DOCK1: variants seen among roughly 807,000 people sequenced by gnomAD.
The protein encoded by DOCK1 is dedicator of cytokinesis 1.
In DOCK1, 138 loss-of-function variants were observed where a neutral mutation model predicts 262.7. The ratio of observed to expected loss-of-function variants is 0.53; its 90% CI spans 0.46 to 0.61. The LOEUF (loss-of-function observed/expected upper bound fraction) is 0.61, where lower values mean the gene tolerates loss of function less well. Among genes scored for constraint, DOCK1 ranks in the 20% least tolerant of loss-of-function variants. The pLI is 0.00. For synonymous variants in DOCK1, 866 were observed against 867.4 expected (o/e 1.00, Z 0.03); for missense variants, 1,908 against 2,370.7 (o/e 0.80, Z 4.05).
At chr10:127,324,631 T>C (rs2062681095) in intron 29 of DOCK1, among the ~76,000 whole-genome samples, 3 of 152,142 alleles carry the variant, frequency 2.0e-5, no homozygotes, top group Admixed American at 2.0e-4. Context: ...TTTTAAAAGA[T>C]ACTGTGAGTT....
chr10:127,370,199 T>C (rs951084591), intron 33 of DOCK1, among the ~76,000 whole-genome samples: 1 of 152,198 alleles, frequency 6.6e-6, no homozygotes, highest in Non-Finnish European at 1.5e-5. Flanking sequence ...ATTTCTTCTT[T>C]AAATACAGGA....
chr10:127,354,041 C>A (rs1168128096), intron 31 of DOCK1, among the ~76,000 whole-genome samples: 1 of 152,032 alleles, frequency 6.6e-6, no homozygotes, highest in African/African-American at 2.4e-5. Flanking sequence ...AGTTAAATTG[C>A]TCACAAACTA....
intron 40 of DOCK1, among the ~76,000 whole-genome samples, chr10:127,406,051 G>A (rs906220024): frequency 6.6e-6 from 1 of 152,150 alleles, no homozygotes; most frequent in African/African-American, 2.4e-5. Flanking sequence ...GCTTTAATTC[G>A]AGTGTGTGTG....
At chr10:127,249,279 C>T (rs1044124897) in intron 28 of DOCK1, among the ~76,000 whole-genome samples, 7 of 151,246 alleles carry the variant, frequency 4.6e-5, no homozygotes, top group African/African-American at 1.7e-4. Context: ...GCATAGTTTT[C>T]TTATATATCT....
At chr10:127,381,142 G>A in intron 36 of DOCK1, 136 bp from the exon 37 acceptor site, 1 of 629,614 alleles carries the variant, frequency 1.6e-6, no homozygotes. Flanking sequence ...AGTTTTTAAG[G>A]CATTTTGAAT....
At chr10:127,065,669 T>C (rs2045820068) in intron 23 of DOCK1, among the ~76,000 whole-genome samples, 2 of 152,160 alleles carry the variant, frequency 1.3e-5, no homozygotes, top group African/African-American at 4.8e-5. Context: ...TGACTTTCCC[T>C]CAGCAGCCCT....
intron 27 of DOCK1, among the ~76,000 whole-genome samples, chr10:127,193,098 TAAAATC>T (rs2056865736): frequency 1.3e-5 from 2 of 152,300 alleles, no homozygotes; most frequent in South Asian, 4.1e-4. Flanking sequence ...TATGAAATAT[TAAAATC>T]AAATATGTGA....
intron 27 of DOCK1, among the ~76,000 whole-genome samples, chr10:127,177,655 GCTGCCGAC>G (rs1200593271): frequency 6.6e-6 from 1 of 152,220 alleles, no homozygotes; most frequent in Non-Finnish European, 1.5e-5. Flanking sequence ...CCCCAGCCCA[GCTGCCGAC>G]CTTGTGCCCT....
intron 1 of DOCK1, among the ~76,000 whole-genome samples, chr10:126,905,819 T>TCCCTCCCTAGGGTGTC (rs2030655572): frequency 6.6e-6 from 1 of 150,888 alleles, no homozygotes; most frequent in Non-Finnish European, 1.5e-5. Flanking sequence ...GGCGGGCGCG[T>TCCCTCCCTAGGGTGTC]CCCTCCCTAG....
Position 127,125,523 on chromosome 10 carries a change from T to C in DOCK1, c.2673T>C (p.His891=), listed in dbSNP as rs762315044. ...LPMMTDQLKY[H]LERQEDLEAC... is the part of the protein sequence containing the mutation. ...TGATGACCGATCAGCTCAAGTACCATCTGGAGAGACAGGAGGACCTGGAGG... is the reference window on the plus strand; with the variant it reads ...TGATGACCGATCAGCTCAAGTACCACCTGGAGAGACAGGAGGACCTGGAGG... Residue 891 remains histidine (H), a synonymous_variant, in exon 26 of 52, where the codon CAT becomes CAC. Transcript: ENST00000623213. The C allele has an allele frequency of 3.7e-6, 6 of 1,613,680 alleles. No homozygotes were observed. The highest frequency in any genetic ancestry group is 1.7e-5 in the Admixed American group (1 of 59,988).
intron 27 of DOCK1, among the ~76,000 whole-genome samples, chr10:127,184,256 C>T (rs1170740033): frequency 1.3e-5 from 2 of 152,162 alleles, no homozygotes; most frequent in East Asian, 3.9e-4. Flanking sequence ...TAGATTCTGT[C>T]AGTATTTTTA....
intron 25 of DOCK1, among the ~76,000 whole-genome samples, chr10:127,123,090 C>T (rs1172691455): frequency 3.3e-5 from 5 of 152,226 alleles, no homozygotes. Flanking sequence ...ACACACCCTC[C>T]TTCCAGCCTG....
intron 29 of DOCK1, among the ~76,000 whole-genome samples, chr10:127,307,825 T>TG (rs1254662499): frequency 6.6e-6 from 1 of 152,222 alleles, no homozygotes; most frequent in African/African-American, 2.4e-5. Flanking sequence ...GTCTTTCTCA[T>TG]GGGAGCCCCA....
chr10:127,141,423 C>T (rs2051230555), intron 27 of DOCK1, among the ~76,000 whole-genome samples: 1 of 152,118 alleles, frequency 6.6e-6, no homozygotes, highest in Non-Finnish European at 1.5e-5. Flanking sequence ...CAAATTCTGG[C>T]CAGGCACGGT....
At chr10:127,206,261 A>T (rs577074222) in intron 27 of DOCK1, among the ~76,000 whole-genome samples, 1 of 146,508 alleles carries the variant, frequency 6.8e-6, no homozygotes, top group East Asian at 2.1e-4. Flanking sequence ...CTGGTGCCTC[A>T]GCCTCCCGAG....
chr10:127,352,671 C>T (rs1181936925), intron 31 of DOCK1, among the ~76,000 whole-genome samples: 1 of 152,120 alleles, frequency 6.6e-6, no homozygotes, highest in Non-Finnish European at 1.5e-5. Flanking sequence ...CAGCTCGCTA[C>T]AACCTCCGCC....
At chr10:127,262,999 C>G (rs1210163063) in intron 29 of DOCK1, among the ~76,000 whole-genome samples, 1 of 152,164 alleles carries the variant, frequency 6.6e-6, no homozygotes, top group Non-Finnish European at 1.5e-5. Context: ...CGTGCCTGAG[C>G]CACCTAGCTA....
chr10:127,330,634 A>G (rs1390950776), intron 29 of DOCK1, among the ~76,000 whole-genome samples: 2 of 152,206 alleles, frequency 1.3e-5, no homozygotes, highest in Non-Finnish European at 2.9e-5. Context: ...GCAGAGCTTT[A>G]TTTCTCATAA....
chr10:127,091,187 G>A (rs1377373672), intron 23 of DOCK1, among the ~76,000 whole-genome samples: 2 of 152,040 alleles, frequency 1.3e-5, no homozygotes, highest in Non-Finnish European at 2.9e-5. Flanking sequence ...GTTTCACCAT[G>A]TTAGCCAGGA....
Sources: gnomAD v4.1 joint callset for allele counts (sites outside exome capture counted in the v4.1 genomes callset) on GRCh38, gnomAD v4.1.1 for gene constraint, MANE v1.5 for transcripts, NCBI Gene and HGNC (gene_info 2026-07-23, HGNC 2026-07-21) for gene names.